The following ZNF540 variants were observed in gnomAD, a reference collection of about 807,000 sequenced individuals.
ZNF540 encodes CTD-3064H18.6.
A neutral mutation model predicts 11.8 loss-of-function variants in ZNF540; 3 were observed. That is an observed-to-expected ratio of 0.25 (90% CI 0.12 to 0.65). The LOEUF is 0.65. ZNF540 is among the 30% of genes least tolerant of loss of function. The pLI is 0.83. For missense variants in ZNF540, 709 were observed against 793.1 expected, an observed-to-expected ratio of 0.89 and a Z score of 1.27; for synonymous variants, 247 against 259.0, an observed-to-expected ratio of 0.95 and a Z score of 0.45.
At chr19:37,587,769 T>C (rs917600192) in intron 1 of ZNF540, among the ~76,000 whole-genome samples, 4 of 152,106 alleles carry the variant, frequency 2.6e-5, no homozygotes, top group Non-Finnish European at 5.9e-5. Flanking sequence ...ACTAAGATTT[T>C]GTCCTCCCCG....
intron 1 of ZNF540, chr19:37,575,824 T>C (rs958719591): frequency 5.3e-5 from 8 of 152,302 alleles, no homozygotes; most frequent in South Asian, 2.1e-4. Context: ...GAGCTGAAAT[T>C]GAATAGTCTT....
chr19:37,608,589 T>C (rs1219121458), intron 4 of ZNF540, among the ~76,000 whole-genome samples: 3 of 152,168 alleles, frequency 2.0e-5, no homozygotes, highest in Admixed American at 6.5e-5. Context: ...TTCTAATTTT[T>C]TGTTGGAAGG....
intron 4 of ZNF540, among the ~76,000 whole-genome samples, chr19:37,604,973 T>G (rs540388755): frequency 3.4e-4 from 52 of 152,380 alleles, no homozygotes; most frequent in African/African-American, 1.2e-3. Context: ...AGTAGTTAAT[T>G]CCTTTTTCTT....
intron 4 of ZNF540, among the ~76,000 whole-genome samples, chr19:37,603,771 A>G (rs1039873715): frequency 7.9e-5 from 12 of 152,202 alleles, no homozygotes; most frequent in Non-Finnish European, 1.0e-4. Flanking sequence ...AAATACATAA[A>G]ATTTATCTGT....
At chr19:37,567,746 G>A (rs1449230392) in intron 1 of ZNF540, 1 of 152,110 alleles carries the variant, frequency 6.6e-6, no homozygotes, top group Non-Finnish European at 1.5e-5. Context: ...TTAGGTCCAT[G>A]CCAGGTATTT....
At chr19:37,565,294 A>C (rs1238810586) in intron 1 of ZNF540, 2 of 1,610,906 alleles carry the variant, frequency 1.2e-6, no homozygotes, top group Non-Finnish European at 1.7e-6. Flanking sequence ...GGTGGTAAGT[A>C]AGTTGTGAGC....
intron 4 of ZNF540, among the ~76,000 whole-genome samples, chr19:37,610,212 T>C (rs2044117585): frequency 6.6e-6 from 1 of 152,242 alleles, no homozygotes; most frequent in East Asian, 1.9e-4. Flanking sequence ...GTCCTGATAT[T>C]CAGCTGTCCT....
chr19:37,613,862 G>C lies in ZNF540; in HGVS notation c.*599G>C. On this transcript the variant is annotated 3_prime_UTR_variant, in exon 5 of 5. Transcript: ENST00000316433. ...CCCAAGGTGATGGTATTTGAAGGTA[G>C]GGCCTTTAGGAGGAAATTAGGTCAT... is the stretch of plus-strand genomic sequence containing the variant. The C allele has an allele frequency of 5.0e-6, 2 of 398,540 alleles. No individual in the cohort carries two copies. The highest frequency in any genetic ancestry group is 2.5e-4 in the South Asian group (2 of 7,858). 24.7% of individuals were successfully genotyped at this position (398,540 alleles called of 1,614,324 possible).
intron 1 of ZNF540, chr19:37,585,030 C>G (rs182181574): frequency 6.6e-6 from 1 of 150,836 alleles, no homozygotes; most frequent in African/African-American, 2.4e-5. Context: ...ATCTATAATT[C>G]TTGAGAGTAT....
At chr19:37,555,933 G>GT (rs1308446190) in intron 1 of ZNF540, 2 of 700,906 alleles carry the variant, frequency 2.9e-6, no homozygotes, top group Admixed American at 4.0e-5. Context: ...GGTGGCTAAA[G>GT]TTACACATGT....
chr19:37,585,868 G>A (rs1448266239), intron 1 of ZNF540: 1 of 152,116 alleles, frequency 6.6e-6, no homozygotes, highest in African/African-American at 2.4e-5. Context: ...AGGCAGGTGA[G>A]TAAAAAAAGG....
intron 1 of ZNF540, among the ~76,000 whole-genome samples, chr19:37,561,731 A>G (rs1600445772): frequency 6.6e-6 from 1 of 152,244 alleles, no homozygotes; most frequent in Non-Finnish European, 1.5e-5. Context: ...TGCAAATGGC[A>G]GTTAATATGC....
chr19:37,572,351 A>G (rs946970625), intron 1 of ZNF540, among the ~76,000 whole-genome samples: 2 of 152,230 alleles, frequency 1.3e-5, no homozygotes, highest in African/African-American at 2.4e-5. Flanking sequence ...TAAACAATTC[A>G]TAAGTTTTAA....
At chr19:37,577,366 C>T (rs2147181032) in intron 1 of ZNF540, among the ~76,000 whole-genome samples, 1 of 152,212 alleles carries the variant, frequency 6.6e-6, no homozygotes, top group East Asian at 1.9e-4. Flanking sequence ...CCACTTTGAA[C>T]CAAACCTAGC....
In ZNF540 at chr19:37,566,368, T is replaced by C. The variant is rs1173713106; in HGVS notation, c.-73+14703T>C. The C allele has an allele frequency of 5.5e-6, 8 of 1,464,960 alleles. No homozygotes were observed. The Admixed American group carries it at 9.0e-5, about 16-fold the overall frequency. 90.7% of individuals were successfully genotyped at this position (1,464,960 alleles called of 1,614,324 possible). On this transcript the variant is annotated intron_variant, in intron 1 of 4. Transcript: ENST00000592533. ...AAAATTCTATGGTAAAAATGATAGATGAAAATAATTCTCATTAAGAATAGA... is the reference window on the plus strand; with the variant it reads ...AAAATTCTATGGTAAAAATGATAGACGAAAATAATTCTCATTAAGAATAGA...
rs1555713163 is a variant in ZNF540 at position 37,553,728 on chromosome 19, A to AC, written c.-73+2063_-73+2064insC. Among the ~76,000 whole-genome samples the AC allele has an allele frequency of 4.8e-3, 738 of 152,214 alleles. 8 individuals carry two copies. Among genetic ancestry groups the AC allele is most frequent in the African/African-American group, 0.017 (688 of 41,516 alleles). ...TTTTACATATTATACCCTATCGTATATTTGCTGGGATCTCACACAAATAAT... is the reference window on the plus strand; with the variant it reads ...TTTTACATATTATACCCTATCGTATACTTTGCTGGGATCTCACACAAATAAT... On this transcript the variant is annotated intron_variant, in intron 1 of 4. Transcript: ENST00000592533.
chr19:37,612,530 A>G lies in ZNF540; in HGVS notation c.1250A>G (p.Glu417Gly). The change falls in exon 5 of 5, where the codon GAG becomes GGG. Residue 417 changes from glutamate (E) to glycine (G), a missense_variant. Transcript: ENST00000316433. ...AAACCTTTTGCATGTAAGGTGTGTG[A>G]GAAGGCTTTTAGTTATAGTGGTGAC... is the stretch of plus-strand genomic sequence containing the variant. ...GIKPFACKVC[E>G]KAFSYSGDLR... 2.5e-6 allele frequency: 4 copies of G among 1,614,170 alleles called. No homozygotes were observed. The highest frequency in any genetic ancestry group is 3.4e-6 in the Non-Finnish European group (4 of 1,180,024).
At chr19:37,570,284 T>C (rs2043007073) in intron 1 of ZNF540, among the ~76,000 whole-genome samples, 1 of 152,210 alleles carries the variant, frequency 6.6e-6, no homozygotes, top group Non-Finnish European at 1.5e-5. Flanking sequence ...CAGTGTACTT[T>C]CTACAAATCG....
intron 1 of ZNF540, among the ~76,000 whole-genome samples, chr19:37,573,923 C>CA (rs1211482945): frequency 6.6e-6 from 1 of 152,096 alleles, no homozygotes; most frequent in African/African-American, 2.4e-5. Context: ...TGTGCCCTAA[C>CA]ACAAAATAAC....
Sources: gnomAD v4.1 joint callset for allele counts (sites outside exome capture counted in the v4.1 genomes callset) on GRCh38, gnomAD v4.1.1 for gene constraint, MANE v1.5 for transcripts, NCBI Gene and HGNC (gene_info 2026-07-23, HGNC 2026-07-21) for gene names.